The following CHN1 variants were observed in gnomAD, a reference collection of about 807,000 sequenced individuals.
The protein encoded by CHN1 is N-chimaerin.
CHN1 carries 37 observed loss-of-function variants against 59.5 expected under a neutral mutation model. The observed-to-expected ratio is 0.62, with a 90% CI of 0.48 to 0.82. CHN1 has a LOEUF of 0.82. CHN1 is among the 40% of genes least tolerant of loss of function. The pLI is 0.00. For missense variants in CHN1, 469 were observed against 571.0 expected, an observed-to-expected ratio of 0.82 and a Z score of 1.82; for synonymous variants, 206 against 200.4, an observed-to-expected ratio of 1.03 and a Z score of -0.24.
At position 174,812,412 on chromosome 2, in the gene CHN1, A is replaced by G. The variant is rs1685107550; in HGVS notation, c.783T>C (p.His261=). ...GGTCACAGCTGTACACCTTTTTGAC[A>G]TGCTTCAAGTCTGGCTTACAGTCAT... The part of the protein sequence containing the change: ...VPNDCKPDLK[H]VKKVYSCDLT... The change falls in exon 9 of 13, where the codon CAT becomes CAC. Residue 261 remains histidine (H), a synonymous_variant. Transcript: ENST00000409900. 6.2e-7 allele frequency: 1 copy of G among 1,614,022 alleles called. No homozygotes were observed. Among genetic ancestry groups the G allele is most frequent in the Middle Eastern group, 1.6e-4 (1 of 6,062 alleles).
In CHN1 at chr2:174,974,898, T is replaced by TACACACACACAC. The variant is rs373940330; in HGVS notation, c.20-22708_20-22697dup. Among the ~76,000 whole-genome samples the TACACACACACAC allele has an allele frequency of 3.8e-3, 552 of 144,330 alleles. 7 individuals carry two copies. The highest frequency in any genetic ancestry group is 5.6e-3 in the Admixed American group (82 of 14,586). The allele number at this position is 144,330 out of a possible 152,430, so 94.7% of individuals were successfully genotyped here. ...CAAACAGGCCATAAGAAATAATTAA[T>TACACACACACAC]ACACACACACACACACACACACACA... is the stretch of plus-strand genomic sequence containing the variant. On this transcript the variant is annotated intron_variant, in intron 1 of 12. Transcript: ENST00000409900.
At chr2:174,931,155 G>A (rs1465859113) in intron 3 of CHN1, among the ~76,000 whole-genome samples, 1 of 151,342 alleles carries the variant, frequency 6.6e-6, no homozygotes, top group Non-Finnish European at 1.5e-5. Context: ...AATAGCCTTT[G>A]AGTGATAGGA....
chr2:174,886,394 C>T (rs576794888), intron 5 of CHN1, among the ~76,000 whole-genome samples: 1 of 152,072 alleles, frequency 6.6e-6, no homozygotes, highest in Non-Finnish European at 1.5e-5. Context: ...TTTCTCTTAC[C>T]TAAATTGACC....
intron 1 of CHN1, among the ~76,000 whole-genome samples, chr2:174,962,366 T>C (rs903080051): frequency 6.6e-6 from 1 of 151,904 alleles, no homozygotes; most frequent in Admixed American, 6.6e-5. Flanking sequence ...GAGAGAAAAT[T>C]GTGTGTTCTT....
intron 1 of CHN1, among the ~76,000 whole-genome samples, chr2:174,967,684 T>C (rs1466129154): frequency 6.6e-6 from 1 of 152,226 alleles, no homozygotes. Context: ...AGATTTTCCT[T>C]GTCAGTTATC....
intron 1 of CHN1, among the ~76,000 whole-genome samples, chr2:174,974,287 C>A (rs538948975): frequency 6.6e-6 from 1 of 152,326 alleles, no homozygotes; most frequent in African/African-American, 2.4e-5. Context: ...TGTCACGCAG[C>A]TGTGAACAAG....
intron 5 of CHN1, among the ~76,000 whole-genome samples, chr2:174,879,341 C>T (rs1308358600): frequency 6.6e-6 from 1 of 152,144 alleles, no homozygotes; most frequent in African/African-American, 2.4e-5. Context: ...ATGTCTGTTT[C>T]TGTAGTTCAA....
chr2:174,925,639 CA>C lies in CHN1; in HGVS notation c.115-7075del, dbSNP rs374330000. 2.2e-4 allele frequency among the ~76,000 whole-genome samples: 33 copies of C among 152,346 alleles called. No homozygotes were observed. In the East Asian group the frequency reaches 3.5e-3, roughly 16 times the overall value. The stretch of plus-strand genomic sequence containing the variant: ...ACAAGAACAAGAACCTTGGTCTCCA[CA>C]ACTCCCTCTACCTTAACTCAAGCAT... On this transcript the variant is annotated intron_variant, in intron 3 of 12. Transcript: ENST00000409900.
chr2:174,999,464 T>C (rs888901855), intron 1 of CHN1, among the ~76,000 whole-genome samples: 2 of 152,216 alleles, frequency 1.3e-5, no homozygotes, highest in Admixed American at 6.5e-5. Context: ...CTCTTTGTCA[T>C]GGCTGCTCTC....
rs1421426788 is a variant in CHN1, at chr2:174,859,556, T to C, written c.550-12599A>G. Among the ~76,000 whole-genome samples the C allele has an allele frequency of 2.6e-5, 4 of 152,200 alleles. No individual in the cohort carries two copies. The East Asian group carries it at 7.7e-4, about 29-fold the overall frequency. ...GAAATCCAGGCACACTTTTACACTG[T>C]CCCCAAATCAGTAGCACTTAGAGCT... On this transcript the variant is annotated intron_variant, in intron 6 of 12. Coordinates refer to ENST00000409900, the MANE Select transcript of CHN1 (RefSeq NM_001822.7).
intron 5 of CHN1, among the ~76,000 whole-genome samples, chr2:174,884,725 G>A (rs559102747): frequency 3.3e-5 from 5 of 152,116 alleles, no homozygotes; most frequent in African/African-American, 7.2e-5. Context: ...AAAAAATTAC[G>A]GGACACATAC....
At chr2:174,955,210 T>TAGAG in intron 1 of CHN1, among the ~76,000 whole-genome samples, 1 of 42,696 alleles carries the variant, frequency 2.3e-5, no homozygotes, top group Non-Finnish European at 4.2e-5. Flanking sequence ...AATTGATATA[T>TAGAG]ATATATATCT....
intron 1 of CHN1, among the ~76,000 whole-genome samples, chr2:175,004,478 A>C (rs530145828): frequency 6.6e-6 from 1 of 152,348 alleles, no homozygotes; most frequent in African/African-American, 2.4e-5. Flanking sequence ...CAACACATGC[A>C]TTTGGCAATT....
intron 5 of CHN1, among the ~76,000 whole-genome samples, chr2:174,894,738 G>A (rs897422077): frequency 1.3e-5 from 2 of 152,134 alleles, no homozygotes; most frequent in African/African-American, 4.8e-5. Context: ...ATTGATGGAT[G>A]AGTGGATAAA....
In CHN1 at chr2:174,826,646, T is replaced by C. The variant is rs368222223; in HGVS notation, c.628-2128A>G. On this transcript the variant is annotated intron_variant, in intron 7 of 12. Transcript: ENST00000409900. Reference sequence around the variant, plus strand: ...GGTGTTTTGTTTGCTGTTAAACAAATAGGCATTTGGGAAACAGCACTGGCT... The same window carrying C: ...GGTGTTTTGTTTGCTGTTAAACAAACAGGCATTTGGGAAACAGCACTGGCT... 2.0e-4 allele frequency among the ~76,000 whole-genome samples: 31 copies of C among 152,314 alleles called. 1 individual carries two copies. In the South Asian group the frequency reaches 6.4e-3, roughly 32 times the overall value.
At chr2:174,990,934 ACT>A (rs1360005179) in intron 1 of CHN1, among the ~76,000 whole-genome samples, 14 of 152,226 alleles carry the variant, frequency 9.2e-5, no homozygotes, top group African/African-American at 3.1e-4. Flanking sequence ...TATAGGAACA[ACT>A]TACAGGAGTA....
At chr2:174,821,592 A>AT in intron 8 of CHN1, 1 of 209,294 alleles carries the variant, frequency 4.8e-6, no homozygotes. Context: ...AGGCGCTCTT[A>AT]TAAAGGGGCT....
At chr2:174,979,656 G>A (rs1691073676) in intron 1 of CHN1, among the ~76,000 whole-genome samples, 1 of 152,066 alleles carries the variant, frequency 6.6e-6, no homozygotes, top group African/African-American at 2.4e-5. Flanking sequence ...CTACTGGCGG[G>A]TGGATCATGA....
intron 5 of CHN1, among the ~76,000 whole-genome samples, chr2:174,905,564 A>T (rs953582283): frequency 3.9e-5 from 6 of 151,948 alleles, no homozygotes; most frequent in African/African-American, 1.5e-4. Flanking sequence ...GATAAAAAAA[A>T]ATTTTTTTTT....
Sources: allele counts gnomAD v4.1 joint callset (sites outside exome capture counted in the v4.1 genomes callset), GRCh38; gene constraint gnomAD v4.1.1; transcripts MANE v1.5; gene names NCBI Gene and HGNC (gene_info 2026-07-23, HGNC 2026-07-21).